Variants in GRID1 observed in about 807,000 individuals in gnomAD.
GRID1 encodes the protein glutamate receptor ionotropic, delta-1.
In GRID1, 28 loss-of-function variants were observed where a neutral mutation model predicts 98.0. The ratio of observed to expected loss-of-function variants is 0.29; its 90% CI spans 0.21 to 0.39. GRID1 has a LOEUF of 0.39. Ranked by LOEUF, GRID1 falls within the 10% of genes least tolerant of loss-of-function variation. The pLI is 1.00. For missense variants in GRID1, 1,111 were observed against 1,340.5 expected (o/e 0.83, Z 2.67); for synonymous variants, 553 against 538.5 (o/e 1.03, Z -0.37).
intron 4 of GRID1, among the ~76,000 whole-genome samples, chr10:86,080,409 A>AAGGGGAGGGGACGGG (rs1843953943): frequency 3.5e-5 from 1 of 28,526 alleles, no homozygotes; most frequent in African/African-American, 1.6e-4. Flanking sequence ...AAGGGAAGGG[A>AAGGGGAGGGGACGGG]AGGGGAGGGG....
chr10:86,148,909 T>C (rs1282746357), intron 3 of GRID1, among the ~76,000 whole-genome samples: 1 of 152,130 alleles, frequency 6.6e-6, no homozygotes, highest in Non-Finnish European at 1.5e-5. Flanking sequence ...TCTGAGCCTA[T>C]TTCCTCACCT....
intron 8 of GRID1, among the ~76,000 whole-genome samples, chr10:85,753,984 T>C (rs926142315): frequency 3.3e-5 from 5 of 152,192 alleles, no homozygotes; most frequent in South Asian, 2.1e-4. Flanking sequence ...CTAATGCACA[T>C]AGCAAATATT....
At chr10:85,855,620 C>T (rs1388166946) in intron 7 of GRID1, among the ~76,000 whole-genome samples, 2 of 152,218 alleles carry the variant, frequency 1.3e-5, no homozygotes, top group Non-Finnish European at 2.9e-5. Context: ...TCAAATCCAG[C>T]TTTCTAATTC....
At chr10:85,839,541 T>C (rs2131769601) in intron 8 of GRID1, among the ~76,000 whole-genome samples, 1 of 152,254 alleles carries the variant, frequency 6.6e-6, no homozygotes, top group Middle Eastern at 3.4e-3. Context: ...AATAATAATA[T>C]TAAAGCAGAA....
At chr10:86,120,302 T>G (rs1844646801) in intron 4 of GRID1, among the ~76,000 whole-genome samples, 1 of 152,240 alleles carries the variant, frequency 6.6e-6, no homozygotes, top group Non-Finnish European at 1.5e-5. Context: ...TTTCTGTGGT[T>G]GGTCCTTGCC....
chr10:86,357,290 A>G (rs1016819835), intron 2 of GRID1, among the ~76,000 whole-genome samples: 1 of 152,222 alleles, frequency 6.6e-6, no homozygotes, highest in Non-Finnish European at 1.5e-5. Flanking sequence ...CCTGGGCCCA[A>G]TGCCTGTCAG....
chr10:86,323,800 T>C (rs1564738918), intron 2 of GRID1, among the ~76,000 whole-genome samples: 1 of 152,226 alleles, frequency 6.6e-6, no homozygotes, highest in African/African-American at 2.4e-5. Flanking sequence ...GTGATGTGCA[T>C]TTTACCACAA....
intron 5 of GRID1, among the ~76,000 whole-genome samples, chr10:85,890,919 T>G (rs533227809): frequency 2.0e-5 from 3 of 152,322 alleles, no homozygotes; most frequent in African/African-American, 7.2e-5. Context: ...AAGCCAATTC[T>G]TTTCATTCTG....
intron 4 of GRID1, among the ~76,000 whole-genome samples, chr10:86,005,375 C>G (rs562584667): frequency 6.6e-6 from 1 of 151,430 alleles, no homozygotes; most frequent in Non-Finnish European, 1.5e-5. Flanking sequence ...AAACTCTTTG[C>G]CCTCTCATAA....
At chr10:85,945,003 C>A (rs924771920) in intron 4 of GRID1, among the ~76,000 whole-genome samples, 6 of 152,160 alleles carry the variant, frequency 3.9e-5, no homozygotes, top group Non-Finnish European at 7.4e-5. Flanking sequence ...GGTACCCCAG[C>A]AGACTATAGA....
Position 86,103,612 on chromosome 10 carries a change from G to A in GRID1, c.726+35207C>T, listed in dbSNP as rs547671070. Among the ~76,000 whole-genome samples the A allele has an allele frequency of 1.1e-4, 17 of 152,362 alleles. No homozygotes were observed. The East Asian group carries it at 2.9e-3, about 26-fold the overall frequency. ...GAAGAGGACTCCCGATGCTGCTTAT[G>A]TAATGCCTTCTTAGGGGACAGGAAC... On this transcript the variant is annotated intron_variant, in intron 4 of 15. Transcript: ENST00000327946.
At chr10:86,232,583 A>G (rs887408335) in intron 2 of GRID1, among the ~76,000 whole-genome samples, 1 of 152,244 alleles carries the variant, frequency 6.6e-6, no homozygotes, top group Non-Finnish European at 1.5e-5. Context: ...CTGGAATAAG[A>G]GGAGGGAGAG....
chr10:85,812,325 G>A (rs1012731956), intron 8 of GRID1, among the ~76,000 whole-genome samples: 1 of 151,996 alleles, frequency 6.6e-6, no homozygotes, highest in African/African-American at 2.4e-5. Flanking sequence ...ACTATGACAT[G>A]AGAATAAGAT....
chr10:86,184,054 C>T (rs1049706551), intron 3 of GRID1, among the ~76,000 whole-genome samples: 5 of 152,226 alleles, frequency 3.3e-5, no homozygotes, highest in Admixed American at 6.5e-5. Flanking sequence ...TTGTCATCCA[C>T]GTATCCTCTT....
At chr10:86,361,191 A>C (rs534476136) in intron 2 of GRID1, among the ~76,000 whole-genome samples, 33 of 152,326 alleles carry the variant, frequency 2.2e-4, no homozygotes, top group African/African-American at 6.7e-4. Flanking sequence ...GAGCACCTGC[A>C]GCAGAGCCCC....
intron 2 of GRID1, among the ~76,000 whole-genome samples, chr10:86,323,954 G>A (rs534950454): frequency 3.9e-5 from 6 of 152,306 alleles, no homozygotes; most frequent in East Asian, 1.9e-4. Context: ...CAAGGTGGGC[G>A]AGTCACTTGA....
chr10:86,018,360 A>G (rs1366756733), intron 4 of GRID1, among the ~76,000 whole-genome samples: 2 of 152,256 alleles, frequency 1.3e-5, no homozygotes, highest in Non-Finnish European at 2.9e-5. Flanking sequence ...AGGAAAGCAG[A>G]CTGGCTCTCT....
chr10:86,029,380 G>C (rs574060725), intron 4 of GRID1, among the ~76,000 whole-genome samples: 15 of 152,286 alleles, frequency 9.8e-5, no homozygotes, highest in Admixed American at 3.9e-4. Context: ...AGGTATTTGA[G>C]AATATGAACC....
At chr10:86,043,654 T>C (rs947606215) in intron 4 of GRID1, among the ~76,000 whole-genome samples, 3 of 152,212 alleles carry the variant, frequency 2.0e-5, no homozygotes, top group East Asian at 1.9e-4. Flanking sequence ...CACAGCTCAA[T>C]TGAATTCAAT....
Sources: gnomAD v4.1 joint callset for allele counts (sites outside exome capture counted in the v4.1 genomes callset) on GRCh38, gnomAD v4.1.1 for gene constraint, MANE v1.5 for transcripts, NCBI Gene and HGNC (gene_info 2026-07-23, HGNC 2026-07-21) for gene names.